PPP1R9A: variants seen among roughly 807,000 people sequenced by gnomAD.
PPP1R9A encodes neurabin-1.
PPP1R9A carries 59 observed loss-of-function variants against 141.9 expected under a neutral mutation model. That is an observed-to-expected ratio of 0.42 (90% CI 0.34 to 0.52). The LOEUF is 0.52. Among genes scored for constraint, PPP1R9A ranks in the 20% least tolerant of loss-of-function variants. The probability of loss-of-function intolerance (pLI) is 0.10; values close to 1 mark genes in which losing one functional copy is unlikely to be tolerated. For synonymous variants in PPP1R9A, 500 were observed against 569.7 expected, an observed-to-expected ratio of 0.88 and a Z score of 1.74; for missense variants, 1,444 against 1,611.9, an observed-to-expected ratio of 0.90 and a Z score of 1.78.
intron 2 of PPP1R9A, among the ~76,000 whole-genome samples, chr7:95,017,673 G>A (rs531185437): frequency 1.3e-5 from 2 of 152,248 alleles, no homozygotes; most frequent in African/African-American, 4.8e-5. Context: ...AAAAAAGAAG[G>A]TTGGAGGACT....
At chr7:95,191,254 A>G (rs544331664) in intron 5 of PPP1R9A, among the ~76,000 whole-genome samples, 53 of 152,338 alleles carry the variant, frequency 3.5e-4, no homozygotes, top group Middle Eastern at 3.4e-3. Flanking sequence ...TAACTGATGT[A>G]TCTGCCTTGA....
At chr7:94,967,015 A>G (rs1279221054) in intron 2 of PPP1R9A, among the ~76,000 whole-genome samples, 1 of 152,118 alleles carries the variant, frequency 6.6e-6, no homozygotes, top group East Asian at 1.9e-4. Context: ...CTATTCAGGG[A>G]TTCGAATTCT....
At chr7:94,909,542 G>A (rs1043147672) in intron 1 of PPP1R9A, among the ~76,000 whole-genome samples, 8 of 152,086 alleles carry the variant, frequency 5.3e-5, no homozygotes, top group Admixed American at 1.3e-4. Flanking sequence ...CTTAAAGATC[G>A]ATGAACTGCT....
chr7:94,981,326 G>A (rs1800083360), intron 2 of PPP1R9A, among the ~76,000 whole-genome samples: 1 of 152,086 alleles, frequency 6.6e-6, no homozygotes, highest in South Asian at 2.1e-4. Flanking sequence ...TGCAACCTCT[G>A]TCTCTCAGGT....
intron 7 of PPP1R9A, among the ~76,000 whole-genome samples, chr7:95,207,320 A>G (rs1018477314): frequency 2.0e-5 from 3 of 152,218 alleles, no homozygotes; most frequent in Non-Finnish European, 4.4e-5. Flanking sequence ...ATTGCATATA[A>G]CTTATTCCAG....
rs1806794110 is a variant in PPP1R9A, at chr7:95,294,309, C to T, written c.*4006C>T. Reference sequence around the variant, plus strand: ...TTTTTTTTTTTTCTGTCATCTGTCACCCAGACTGGACTGCAGTGGTGCCAT... The same window carrying T: ...TTTTTTTTTTTTCTGTCATCTGTCATCCAGACTGGACTGCAGTGGTGCCAT... On this transcript the variant is annotated 3_prime_UTR_variant, in exon 20 of 20. Coordinates refer to ENST00000433360, the MANE Select transcript of PPP1R9A (RefSeq NM_001166160.2). 7.1e-6 allele frequency: 1 copy of T among 141,670 alleles called. No homozygotes were observed. The highest frequency in any genetic ancestry group is 2.7e-5 in the African/African-American group (1 of 37,342). 8.8% of individuals were successfully genotyped at this position (141,670 alleles called of 1,614,324 possible).
chr7:95,236,498 T>G (rs1259839483), intron 8 of PPP1R9A, among the ~76,000 whole-genome samples: 1 of 151,828 alleles, frequency 6.6e-6, no homozygotes, highest in African/African-American at 2.4e-5. Flanking sequence ...ATATTTCCTT[T>G]AGGCTATTAT....
chr7:94,929,075 T>A (rs1340220994), intron 2 of PPP1R9A, among the ~76,000 whole-genome samples: 1 of 152,224 alleles, frequency 6.6e-6, no homozygotes, highest in Non-Finnish European at 1.5e-5. Flanking sequence ...ATAGACCTAT[T>A]AAAATATACA....
intron 2 of PPP1R9A, among the ~76,000 whole-genome samples, chr7:95,037,663 G>T (rs1426177978): frequency 6.6e-6 from 1 of 152,054 alleles, no homozygotes; most frequent in African/African-American, 2.4e-5. Context: ...CTTAGCCCTT[G>T]TTGAGAATAC....
At chr7:95,131,555 G>T (rs1287661087) in intron 4 of PPP1R9A, among the ~76,000 whole-genome samples, 1 of 151,938 alleles carries the variant, frequency 6.6e-6, no homozygotes, top group Non-Finnish European at 1.5e-5. Flanking sequence ...TTGAGGTTGG[G>T]CAACGTGATG....
intron 4 of PPP1R9A, among the ~76,000 whole-genome samples, chr7:95,130,023 A>G (rs998648854): frequency 2.0e-5 from 3 of 152,194 alleles, no homozygotes; most frequent in African/African-American, 7.2e-5. Context: ...CTGAAGTGAA[A>G]TTCAAATCAG....
At chr7:95,059,977 A>G (rs1482695834) in intron 2 of PPP1R9A, among the ~76,000 whole-genome samples, 2 of 152,130 alleles carry the variant, frequency 1.3e-5, no homozygotes, top group Non-Finnish European at 2.9e-5. Context: ...AAGGTGCGGG[A>G]GAAGATACAG....
At chr7:94,927,578 C>G (rs950014577) in intron 2 of PPP1R9A, among the ~76,000 whole-genome samples, 1 of 152,136 alleles carries the variant, frequency 6.6e-6, no homozygotes. Flanking sequence ...GAAGCATTGT[C>G]TTCTGAGTTG....
intron 2 of PPP1R9A, among the ~76,000 whole-genome samples, chr7:94,920,794 A>AT (rs1792697401): frequency 6.6e-6 from 1 of 152,230 alleles, no homozygotes; most frequent in Non-Finnish European, 1.5e-5. Context: ...AGCAGTGAGA[A>AT]TCTTGCGGAT....
At chr7:95,134,364 T>C (rs1382010670) in intron 4 of PPP1R9A, among the ~76,000 whole-genome samples, 1 of 152,170 alleles carries the variant, frequency 6.6e-6, no homozygotes, top group Non-Finnish European at 1.5e-5. Flanking sequence ...AAATACCTAA[T>C]GCATGCTGGG....
intron 2 of PPP1R9A, among the ~76,000 whole-genome samples, chr7:95,109,099 A>C (rs17305648): frequency 6.6e-6 from 1 of 152,214 alleles, no homozygotes; most frequent in Non-Finnish European, 1.5e-5. Flanking sequence ...ACACTCAACT[A>C]TCAATGTTTT....
At chr7:94,980,656 A>T (rs553337502) in intron 2 of PPP1R9A, among the ~76,000 whole-genome samples, 2 of 150,148 alleles carry the variant, frequency 1.3e-5, no homozygotes, top group Non-Finnish European at 3.0e-5. Flanking sequence ...TGATTTCATA[A>T]CCCTTACTGA....
At chr7:95,019,041 A>G (rs994049026) in intron 2 of PPP1R9A, among the ~76,000 whole-genome samples, 9 of 152,198 alleles carry the variant, frequency 5.9e-5, no homozygotes, top group African/African-American at 2.2e-4. Context: ...TTAACTTCAT[A>G]CCAGACATAA....
At chr7:95,146,624 T>C (rs760458381) in intron 4 of PPP1R9A, among the ~76,000 whole-genome samples, 1 of 152,212 alleles carries the variant, frequency 6.6e-6, no homozygotes, top group Non-Finnish European at 1.5e-5. Flanking sequence ...GTTTTTATGG[T>C]TTTAGGTCTT....
Sources: gnomAD v4.1 joint callset for allele counts (sites outside exome capture counted in the v4.1 genomes callset) on GRCh38, gnomAD v4.1.1 for gene constraint, MANE v1.5 for transcripts, NCBI Gene and HGNC (gene_info 2026-07-23, HGNC 2026-07-21) for gene names.